IL7: variants seen among roughly 807,000 people sequenced by gnomAD.
The protein encoded by IL7 is interleukin 7, also known as interleukin-7.
IL7 carries 3 observed loss-of-function variants against 21.6 expected under a neutral mutation model. The ratio of observed to expected loss-of-function variants is 0.14; its 90% CI spans 0.06 to 0.36. IL7 has a LOEUF of 0.36. Among genes scored for constraint, IL7 ranks in the 10% least tolerant of loss-of-function variants. The pLI, the probability that IL7 is intolerant of heterozygous loss-of-function variation, is 1.00. For missense variants in IL7, 175 were observed against 200.2 expected, an observed-to-expected ratio of 0.87 and a Z score of 0.76; for synonymous variants, 62 against 68.1, an observed-to-expected ratio of 0.91 and a Z score of 0.44.
intron 2 of IL7, among the ~76,000 whole-genome samples, chr8:78,755,731 G>A (rs895498861): frequency 6.6e-6 from 1 of 151,948 alleles, no homozygotes; most frequent in African/African-American, 2.4e-5. Flanking sequence ...AGAGTTTCCT[G>A]GTGGAGTATT....
intron 1 of IL7, among the ~76,000 whole-genome samples, chr8:78,802,426 TTCTC>T (rs924168645): frequency 6.6e-6 from 1 of 151,386 alleles, no homozygotes; most frequent in African/African-American, 2.4e-5. Flanking sequence ...TTTCGTATTT[TTCTC>T]TCTCTTTTTT....
At chr8:78,790,866 C>T (rs1324094991) in intron 2 of IL7, among the ~76,000 whole-genome samples, 6 of 150,842 alleles carry the variant, frequency 4.0e-5, no homozygotes, top group Non-Finnish European at 8.9e-5. Context: ...CATTTTTAAA[C>T]ATTATTACGA....
At chr8:78,769,516 T>C (rs901301374) in intron 2 of IL7, among the ~76,000 whole-genome samples, 2 of 152,122 alleles carry the variant, frequency 1.3e-5, no homozygotes, top group Non-Finnish European at 2.9e-5. Context: ...TACAAATCAC[T>C]GCTCAATGAA....
At chr8:78,760,438 A>G in intron 2 of IL7, 1 of 1,583,590 alleles carries the variant, frequency 6.3e-7, no homozygotes, top group Non-Finnish European at 8.6e-7. Context: ...GGAGGGCTTC[A>G]TAGATGGTGG....
intron 3 of IL7, chr8:78,712,243 A>G (rs548534774): frequency 1.1e-4 from 42 of 377,814 alleles, no homozygotes; most frequent in Admixed American, 1.9e-4. Flanking sequence ...AATGTGTCAA[A>G]TAATCTAGGA....
At chr8:78,745,869 G>T (rs769422712) in intron 2 of IL7, among the ~76,000 whole-genome samples, 37 of 152,038 alleles carry the variant, frequency 2.4e-4, no homozygotes, top group Non-Finnish European at 4.3e-4. Flanking sequence ...TCTGGTGTCT[G>T]CCAGCATTCC....
At chr8:78,768,962 A>C (rs1441782208) in intron 2 of IL7, among the ~76,000 whole-genome samples, 2 of 152,220 alleles carry the variant, frequency 1.3e-5, no homozygotes, top group African/African-American at 4.8e-5. Context: ...GATGCAGAAA[A>C]GGCCTTTGAC....
At chr8:78,714,389 G>A (rs1360489959), downstream of IL7, among the ~76,000 whole-genome samples, 1 of 152,086 alleles carries the variant, frequency 6.6e-6, no homozygotes, top group Non-Finnish European at 1.5e-5. Context: ...ACTTATAGTG[G>A]CAACAACAGT....
At chr8:78,706,964 A>G (rs540350685) in intron 3 of IL7, among the ~76,000 whole-genome samples, 2 of 152,350 alleles carry the variant, frequency 1.3e-5, no homozygotes, top group Admixed American at 6.5e-5. Flanking sequence ...CAGGCTATCC[A>G]TAAGAAAGAG....
intron 3 of IL7, among the ~76,000 whole-genome samples, chr8:78,696,457 TC>T (rs1810418226): frequency 6.6e-6 from 1 of 152,228 alleles, no homozygotes; most frequent in Non-Finnish European, 1.5e-5. Context: ...GAGTCTAAAT[TC>T]CTGCTCTGCT....
chr8:78,699,442 A>C (rs1251447138), intron 3 of IL7, among the ~76,000 whole-genome samples: 1 of 152,154 alleles, frequency 6.6e-6, no homozygotes, highest in Non-Finnish European at 1.5e-5. Context: ...TGATTAATGA[A>C]ATACAGCACA....
intron 2 of IL7, among the ~76,000 whole-genome samples, chr8:78,780,263 C>A (rs1213616893): frequency 6.6e-6 from 1 of 151,914 alleles, no homozygotes; most frequent in East Asian, 1.9e-4. Context: ...TATTTCTTGT[C>A]TTCTGCTAGC....
chr8:78,731,471 T>C (rs558031014), downstream of IL7, among the ~76,000 whole-genome samples: 5 of 151,922 alleles, frequency 3.3e-5, no homozygotes, highest in African/African-American at 9.7e-5. Flanking sequence ...AATATACTTA[T>C]AAGAATTGTG....
At chr8:78,692,905 T>C (rs1810258698) in intron 3 of IL7, among the ~76,000 whole-genome samples, 2 of 151,800 alleles carry the variant, frequency 1.3e-5, no homozygotes, top group African/African-American at 4.8e-5. Context: ...CAACAGGCCC[T>C]GGGGTGTGAT....
intron 3 of IL7, among the ~76,000 whole-genome samples, chr8:78,704,603 A>G (rs1810713386): frequency 6.6e-6 from 1 of 152,092 alleles, no homozygotes; most frequent in African/African-American, 2.4e-5. Context: ...TGAGTATCTT[A>G]CTGGGGTTCT....
At chr8:78,683,703 T>G (rs1013987191) in intron 4 of IL7, among the ~76,000 whole-genome samples, 2 of 152,182 alleles carry the variant, frequency 1.3e-5, no homozygotes, top group African/African-American at 2.4e-5. Context: ...CTCATGCAAA[T>G]TTTTTCAGCA....
intron 2 of IL7, among the ~76,000 whole-genome samples, chr8:78,782,191 C>T (rs552268110): frequency 6.6e-6 from 1 of 152,248 alleles, no homozygotes; most frequent in East Asian, 1.9e-4. Context: ...TCATTATTAC[C>T]CACCTTCTGA....
rs770062173 is a variant in IL7, at chr8:78,697,510, A to T, written n.215-11563T>A. The T allele has an allele frequency of 2.9e-5, 47 of 1,601,732 alleles. No homozygotes were observed. Among genetic ancestry groups the T allele is most frequent in the Non-Finnish European group, 4.0e-5 (47 of 1,176,144 alleles). ...GGCGCTGGCAAAACTGTTGTAGGTA[A>T]TGATAGCCGAAAAGCAACTTGATTT... On this transcript the variant is annotated intron_variant and non_coding_transcript_variant, in intron 3 of 4. Coordinates refer to the IL7 transcript ENST00000523959.
Position 78,768,761 on chromosome 8 carries a change from A to C in IL7, c.148-28679T>G, listed in dbSNP as rs547065957. Among the ~76,000 whole-genome samples the C allele has an allele frequency of 2.6e-5, 4 of 152,054 alleles. No individual in the cohort carries two copies. In the South Asian group the frequency reaches 8.3e-4, roughly 32 times the overall value. On this transcript the variant is annotated intron_variant, in intron 2 of 5. Transcript: ENST00000263851. Reference sequence around the variant, plus strand: ...ATGGTAGTTTCTTTTGCTGTGCAGAAGCTCTTTAGTTTAATTAGATCCCAT... The same window carrying C: ...ATGGTAGTTTCTTTTGCTGTGCAGACGCTCTTTAGTTTAATTAGATCCCAT...
Sources: gnomAD v4.1 joint callset for allele counts (sites outside exome capture counted in the v4.1 genomes callset) on GRCh38, gnomAD v4.1.1 for gene constraint, MANE v1.5 for transcripts, NCBI Gene and HGNC (gene_info 2026-07-23, HGNC 2026-07-21) for gene names.